The following PELI2 variants were observed in gnomAD, a reference collection of about 807,000 sequenced individuals.
The protein encoded by PELI2 is pellino E3 ubiquitin protein ligase family member 2.
Under a neutral mutation model 42.3 loss-of-function variants are expected in PELI2, and 23 were observed. The observed-to-expected ratio is 0.54, with a 90% CI of 0.39 to 0.77. The LOEUF (loss-of-function observed/expected upper bound fraction) is 0.77. Ranked by LOEUF, PELI2 falls within the 30% of genes least tolerant of loss-of-function variation. The pLI, the probability that PELI2 is intolerant of heterozygous loss-of-function variation, is 0.00. For synonymous variants in PELI2, 245 were observed against 212.2 expected, an observed-to-expected ratio of 1.15 and a Z score of -1.34; for missense variants, 463 against 553.2, an observed-to-expected ratio of 0.84 and a Z score of 1.64.
chr14:56,277,281 C>G (rs1260958012), intron 2 of PELI2, among the ~76,000 whole-genome samples: 1 of 152,080 alleles, frequency 6.6e-6, no homozygotes, highest in East Asian at 1.9e-4. Flanking sequence ...GGGTTGAACT[C>G]CGCCTCCTGT....
intron 2 of PELI2, among the ~76,000 whole-genome samples, chr14:56,213,652 G>A (rs536283471): frequency 1.4e-4 from 22 of 152,180 alleles, no homozygotes; most frequent in Non-Finnish European, 3.1e-4. Context: ...ATGTGTTTGG[G>A]GGTGAGGTTA....
At chr14:56,122,396 T>C (rs1449205187) in intron 1 of PELI2, among the ~76,000 whole-genome samples, 1 of 152,228 alleles carries the variant, frequency 6.6e-6, no homozygotes, top group Non-Finnish European at 1.5e-5. Flanking sequence ...GCTGGGTGGC[T>C]GTACTCCCCT....
intron 2 of PELI2, among the ~76,000 whole-genome samples, chr14:56,204,846 A>T (rs149371979): frequency 6.6e-6 from 1 of 151,990 alleles, no homozygotes; most frequent in Non-Finnish European, 1.5e-5. Context: ...CGTGGCTAAC[A>T]TGGTGAAACC....
Position 56,120,859 on chromosome 14 carries a change from A to T in PELI2, c.77+2122A>T, listed in dbSNP as rs1883035410. On this transcript the variant is annotated intron_variant, in intron 1 of 5. Coordinates refer to ENST00000267460, the MANE Select transcript of PELI2 (RefSeq NM_021255.3). ...GTTCTCTCTGAGGAGGTGAAATGTGAGTAGAGGATGCTAGTCTGGTTTTTG... is the reference window on the plus strand; with the variant it reads ...GTTCTCTCTGAGGAGGTGAAATGTGTGTAGAGGATGCTAGTCTGGTTTTTG... 2.0e-5 allele frequency among the ~76,000 whole-genome samples: 3 copies of T among 152,278 alleles called. No homozygotes were observed. In the South Asian group the frequency reaches 6.2e-4, roughly 32 times the overall value.
chr14:56,226,980 C>CA (rs1252780653), intron 2 of PELI2, among the ~76,000 whole-genome samples: 1 of 152,188 alleles, frequency 6.6e-6, no homozygotes, highest in Non-Finnish European at 1.5e-5. Flanking sequence ...AGAAGGCCCC[C>CA]AGGGCTCTAA....
At chr14:56,155,827 C>T (rs984949701) in intron 1 of PELI2, among the ~76,000 whole-genome samples, 2 of 151,844 alleles carry the variant, frequency 1.3e-5, no homozygotes, top group African/African-American at 4.8e-5. Flanking sequence ...TCGTGATCCG[C>T]CCCCCCTCAG....
chr14:56,264,666 T>C (rs1888835681), intron 2 of PELI2, among the ~76,000 whole-genome samples: 1 of 152,186 alleles, frequency 6.6e-6, no homozygotes, highest in Admixed American at 6.5e-5. Context: ...AGGAAAATGG[T>C]AAACCCAGTT....
At chr14:56,124,510 C>T (rs915639371) in intron 1 of PELI2, among the ~76,000 whole-genome samples, 5 of 152,188 alleles carry the variant, frequency 3.3e-5, no homozygotes, top group Admixed American at 6.5e-5. Flanking sequence ...GAACTGCTCT[C>T]TTATTTTTGT....
intron 2 of PELI2, among the ~76,000 whole-genome samples, chr14:56,218,330 C>A (rs758746575): frequency 6.6e-6 from 1 of 152,234 alleles, no homozygotes; most frequent in Non-Finnish European, 1.5e-5. Flanking sequence ...GTCTAGTGTT[C>A]AACATATAAG....
chr14:56,136,735 G>A (rs1490635930), intron 1 of PELI2, among the ~76,000 whole-genome samples: 1 of 152,130 alleles, frequency 6.6e-6, no homozygotes, highest in Non-Finnish European at 1.5e-5. Context: ...AAAGTTGAAT[G>A]TGTCTTTCTT....
rs1555348602 is a variant in PELI2, at chr14:56,219,154, T to TTA, written c.207+40691_207+40692insAT. ...TGGTCTCTTAATTCCTTTTTTATTT[T>TTA]TTTTTGGATGACTTGAGGACAATAA... On this transcript the variant is annotated intron_variant, in intron 2 of 5. Coordinates refer to ENST00000267460, the MANE Select transcript of PELI2 (RefSeq NM_021255.3). This position sits in a 1 kb window ranked among gnomAD's most constrained non-coding sequence, Gnocchi z 4.1. Among the ~76,000 whole-genome samples, 20 of 151,330 alleles carry TTA rather than the reference T, an allele frequency of 1.3e-4. No homozygotes were observed. The highest frequency in any genetic ancestry group is 4.4e-4 in the African/African-American group (18 of 41,196).
chr14:56,213,380 G>A (rs993841283), intron 2 of PELI2, among the ~76,000 whole-genome samples: 2 of 152,222 alleles, frequency 1.3e-5, no homozygotes, highest in African/African-American at 4.8e-5. Context: ...AAGGGAATTA[G>A]CTGATTGGAT....
intron 1 of PELI2, among the ~76,000 whole-genome samples, chr14:56,168,322 C>A (rs1000503162): frequency 5.3e-5 from 8 of 152,182 alleles, no homozygotes; most frequent in Non-Finnish European, 1.0e-4. Context: ...GGACTAGAGT[C>A]AAAAACCTTA....
At chr14:56,126,292 C>T (rs1883256571) in intron 1 of PELI2, among the ~76,000 whole-genome samples, 1 of 152,200 alleles carries the variant, frequency 6.6e-6, no homozygotes, top group Admixed American at 6.5e-5. Context: ...ATACAAGCCT[C>T]TTGGATGACA....
intron 4 of PELI2, among the ~76,000 whole-genome samples, chr14:56,289,503 T>G (rs971229533): frequency 6.6e-6 from 1 of 152,138 alleles, no homozygotes; most frequent in Non-Finnish European, 1.5e-5. Context: ...CAAGAAGATA[T>G]CATGTGTCAT....
At chr14:56,286,822 C>A (rs925157111) in intron 3 of PELI2, among the ~76,000 whole-genome samples, 1 of 152,060 alleles carries the variant, frequency 6.6e-6, no homozygotes, top group Non-Finnish European at 1.5e-5. Context: ...ATTTTACCAG[C>A]ACTCTAGAGG....
rs188079309 is a variant in PELI2 at position 56,167,752 on chromosome 14, G to A, written c.78-10583G>A. ...CTAGTAGATGTTCTTCAGTGTCTGG[G>A]CATTCAAAAATTAGGTACTTACTGT... On this transcript the variant is annotated intron_variant, in intron 1 of 5. Transcript: ENST00000267460. Among the ~76,000 whole-genome samples, 428 of 152,232 alleles carry A rather than the reference G, an allele frequency of 2.8e-3. 3 individuals are homozygous for A. Among genetic ancestry groups the A allele is most frequent in the Non-Finnish European group, 4.0e-3 (271 of 68,006 alleles).
rs144623396 is a variant in PELI2 at position 56,162,587 on chromosome 14, C to A, written c.78-15748C>A. ...GCAGCAAACATAGGAATGCAGATAT[C>A]TCTTTGATGTACTGATTTCCTTTCT... On this transcript the variant is annotated intron_variant, in intron 1 of 5. Coordinates refer to ENST00000267460, the MANE Select transcript of PELI2 (RefSeq NM_021255.3). 6.4e-3 allele frequency among the ~76,000 whole-genome samples: 982 copies of A among 152,268 alleles called. 12 individuals carry two copies. The highest frequency in any genetic ancestry group is 0.023 in the African/African-American group (939 of 41,540).
rs573648614 is a variant in PELI2 at position 56,133,753 on chromosome 14, C to A, written c.77+15016C>A. 1.7e-3 allele frequency among the ~76,000 whole-genome samples: 260 copies of A among 152,298 alleles called. 1 individual carries two copies. Among genetic ancestry groups the A allele is most frequent in the African/African-American group, 6.2e-3 (257 of 41,570 alleles). On this transcript the variant is annotated intron_variant, in intron 1 of 5. Coordinates refer to ENST00000267460, the MANE Select transcript of PELI2 (RefSeq NM_021255.3). ...GAATCCTCCCCCTTTTCCCTCCAGTCAGGAGCAAGGATCTCTAGTGAGCTT... is the reference window on the plus strand; with the variant it reads ...GAATCCTCCCCCTTTTCCCTCCAGTAAGGAGCAAGGATCTCTAGTGAGCTT...
Sources: gnomAD v4.1 joint callset for allele counts (sites outside exome capture counted in the v4.1 genomes callset) on GRCh38, gnomAD v4.1.1 for gene constraint, Gnocchi (gnomAD v3.1) non-coding constraint, MANE v1.5 for transcripts, NCBI Gene and HGNC (gene_info 2026-07-23, HGNC 2026-07-21) for gene names.